RASA2: variants seen among roughly 807,000 people sequenced by gnomAD.
RASA2 encodes the protein ras GTPase-activating protein 2.
In RASA2, 155 loss-of-function variants were observed where a neutral mutation model predicts 118.2. That is an observed-to-expected ratio of 1.31 (90% CI 1.15 to 1.50). RASA2 has a LOEUF of 1.50. Ranked by LOEUF, RASA2 falls within the 40% of genes most tolerant of loss-of-function variation. The pLI, the probability that RASA2 is intolerant of heterozygous loss-of-function variation, is 0.00. For synonymous variants in RASA2, 353 were observed against 349.1 expected (o/e 1.01, Z -0.12); for missense variants, 1,016 against 1,009.6 (o/e 1.01, Z -0.09).
intron 9 of RASA2, among the ~76,000 whole-genome samples, chr3:141,570,107 A>T (rs1577755530): frequency 2.8e-5 from 4 of 144,222 alleles, no homozygotes; most frequent in African/African-American, 7.8e-5. Context: ...TTTTTTTTAA[A>T]CTCTTAGATT....
intron 14 of RASA2, among the ~76,000 whole-genome samples, chr3:141,575,934 C>T (rs754635314): frequency 3.3e-5 from 5 of 152,130 alleles, no homozygotes; most frequent in Non-Finnish European, 5.9e-5. Context: ...TGTGCCTCCA[C>T]GCCTGGCTAA....
chr3:141,493,303 G>A (rs2151067607), intron 1 of RASA2, among the ~76,000 whole-genome samples: 2 of 152,312 alleles, frequency 1.3e-5, no homozygotes, highest in Middle Eastern at 3.4e-3. Flanking sequence ...ACTTTGTGAA[G>A]TGGTTAGGAT....
intron 7 of RASA2, among the ~76,000 whole-genome samples, chr3:141,558,000 GA>G (rs1354208490): frequency 3.3e-5 from 5 of 152,208 alleles, no homozygotes; most frequent in Non-Finnish European, 5.9e-5. Flanking sequence ...GATAGTTATT[GA>G]CCAACACTCA....
intron 23 of RASA2, 59 bp downstream of exon 23, chr3:141,610,125 C>T: frequency 7.3e-7 from 1 of 1,369,774 alleles, no homozygotes. Context: ...GATTGCCTCT[C>T]CTGCCCCAAC....
chr3:141,510,781 C>T (rs191889595), intron 1 of RASA2, among the ~76,000 whole-genome samples: 5 of 152,014 alleles, frequency 3.3e-5, no homozygotes, highest in East Asian at 1.9e-4. Flanking sequence ...AAACACTGAC[C>T]GGGGTTGGGG....
chr3:141,562,012 G>A (rs1020249558), intron 9 of RASA2, among the ~76,000 whole-genome samples: 9 of 151,932 alleles, frequency 5.9e-5, no homozygotes, highest in African/African-American at 2.2e-4. Context: ...GAGTGCAGTG[G>A]CATGATCTCG....
chr3:141,516,593 T>G (rs189757376), intron 3 of RASA2, among the ~76,000 whole-genome samples, 162 bp downstream of exon 3: 10 of 152,322 alleles, frequency 6.6e-5, no homozygotes, highest in Admixed American at 4.6e-4. Flanking sequence ...TTAATTTGTA[T>G]GTTCAGCTTA....
chr3:141,599,178 A>C (rs1169748564), intron 19 of RASA2, among the ~76,000 whole-genome samples: 1 of 151,998 alleles, frequency 6.6e-6, no homozygotes, highest in African/African-American at 2.4e-5. Context: ...AGGTAAAGAA[A>C]GTCTAAATAA....
chr3:141,526,502 T>G (rs2082186970), intron 3 of RASA2, among the ~76,000 whole-genome samples: 1 of 152,176 alleles, frequency 6.6e-6, no homozygotes, highest in Admixed American at 6.5e-5. Flanking sequence ...CTTGGGCTGA[T>G]GATGTATATT....
chr3:141,577,479 A>G (rs1294511185), intron 15 of RASA2, among the ~76,000 whole-genome samples: 1 of 152,058 alleles, frequency 6.6e-6, no homozygotes, highest in Non-Finnish European at 1.5e-5. Flanking sequence ...TACTTTCCTG[A>G]TTTATTAAAA....
At chr3:141,566,371 G>A (rs1164194397) in intron 9 of RASA2, among the ~76,000 whole-genome samples, 4 of 152,186 alleles carry the variant, frequency 2.6e-5, no homozygotes, top group Non-Finnish European at 5.9e-5. Flanking sequence ...CAATATAGAG[G>A]AAATACAGAG....
At chr3:141,502,653 T>G (rs2081801071) in intron 1 of RASA2, among the ~76,000 whole-genome samples, 1 of 152,192 alleles carries the variant, frequency 6.6e-6, no homozygotes, top group Non-Finnish European at 1.5e-5. Context: ...TTGTGAAGAT[T>G]AAGTAAAATA....
intron 1 of RASA2, among the ~76,000 whole-genome samples, chr3:141,505,230 G>A (rs375547186): frequency 3.3e-5 from 5 of 152,110 alleles, no homozygotes; most frequent in African/African-American, 9.7e-5. Context: ...CAACAGTTTC[G>A]TATGGGCAGA....
chr3:141,510,768 A>G (rs1240368970), intron 1 of RASA2, among the ~76,000 whole-genome samples: 1 of 152,220 alleles, frequency 6.6e-6, no homozygotes, highest in African/African-American at 2.4e-5. Flanking sequence ...AATGAAAAAA[A>G]CTAAACACTG....
At chr3:141,587,781 A>T (rs1281450525) in intron 19 of RASA2, among the ~76,000 whole-genome samples, 1 of 152,046 alleles carries the variant, frequency 6.6e-6, no homozygotes, top group African/African-American at 2.4e-5. Flanking sequence ...TAGCAAGAAG[A>T]ATTTAGTATC....
chr3:141,491,795 G>A (rs2081642259), intron 1 of RASA2, among the ~76,000 whole-genome samples: 1 of 152,104 alleles, frequency 6.6e-6, no homozygotes, highest in Admixed American at 6.6e-5. Flanking sequence ...TTACTAATTG[G>A]TCCTGGAGCT....
chr3:141,605,025 G>A (rs1407881202), intron 19 of RASA2, among the ~76,000 whole-genome samples: 1 of 151,928 alleles, frequency 6.6e-6, no homozygotes, highest in Non-Finnish European at 1.5e-5. Context: ...TTGTTTACTA[G>A]CTTCCATTGC....
intron 19 of RASA2, 165 bp downstream of exon 19, chr3:141,586,917 C>T (rs1278680932): frequency 5.8e-6 from 4 of 686,668 alleles, no homozygotes. Flanking sequence ...TGACAGTAAC[C>T]CCATGTATAT....
At chr3:141,580,083 AAAATATATATATATATATATAT>A (rs2083083066) in intron 15 of RASA2, among the ~76,000 whole-genome samples, 1 of 82,552 alleles carries the variant, frequency 1.2e-5, no homozygotes, top group African/African-American at 5.1e-5. Context: ...AAAAAAAAAA[AAAATATATATATATATATATAT>A]ATATATATAT....
Sources: gnomAD v4.1 joint callset for allele counts (sites outside exome capture counted in the v4.1 genomes callset) on GRCh38, gnomAD v4.1.1 for gene constraint, MANE v1.5 for transcripts, NCBI Gene and HGNC (gene_info 2026-07-23, HGNC 2026-07-21) for gene names.